The following EDA variants were observed in gnomAD, a reference collection of about 807,000 sequenced individuals.
EDA encodes the protein ectodysplasin-A.
In EDA, 2 loss-of-function variants were observed where a neutral mutation model predicts 23.6. That is an observed-to-expected ratio of 0.08 (90% CI 0.03 to 0.27). The LOEUF (loss-of-function observed/expected upper bound fraction) is 0.27. Among genes scored for constraint, EDA ranks in the 10% least tolerant of loss-of-function variants. The probability of loss-of-function intolerance (pLI) is 1.00; values close to 1 mark genes in which losing one functional copy is unlikely to be tolerated. For synonymous variants in EDA, 131 were observed against 132.0 expected (o/e 0.99, Z 0.05); for missense variants, 229 against 324.2 (o/e 0.71, Z 2.26).
intron 1 of EDA, among the ~76,000 whole-genome samples, chrX:69,793,540 A>C (rs2015461525): frequency 1.0e-5 from 1 of 97,526 alleles, no homozygotes; most frequent in Non-Finnish European, 2.0e-5. Flanking sequence ...TAATGGTTGA[A>C]TGGAGCTTTT....
At chrX:69,739,072 A>T (rs755670126) in intron 1 of EDA, among the ~76,000 whole-genome samples, 12 of 111,364 alleles carry the variant, frequency 1.1e-4, no homozygotes, top group Non-Finnish European at 2.1e-4. Context: ...TCTATTCATT[A>T]CTGAAAGTGG....
In EDA at chrX:70,035,460, T is replaced by C; in HGVS notation, c.1027T>C (p.Tyr343His). 8.3e-7 allele frequency: 1 copy of C among 1,210,858 alleles called. No homozygotes were observed. The highest frequency in any genetic ancestry group is 1.1e-6 in the Non-Finnish European group (1 of 895,323). ...TRSIETGKTN[Y>H]NTCYTAGVCL... ...CAGCATCGAGACGGGCAAGACCAACTACAACACTTGCTATACCGCAGGCGT... is the reference window on the plus strand; with the variant it reads ...CAGCATCGAGACGGGCAAGACCAACCACAACACTTGCTATACCGCAGGCGT... The change falls in exon 8 of 8, where the codon TAC becomes CAC. Residue 343 changes from tyrosine (Y) to histidine (H), a missense_variant. By Grantham distance (83) the Tyr-to-His change is moderately conservative. Around this residue, in one of 2 missense-constraint regions of EDA, gnomAD observed 175 missense variants for 281.8 expected, o/e 0.62. Coordinates refer to ENST00000374552, the MANE Select transcript of EDA (RefSeq NM_001399.5).
intron 1 of EDA, among the ~76,000 whole-genome samples, chrX:69,726,381 A>T (rs1415738964): frequency 8.9e-6 from 1 of 111,913 alleles, no homozygotes; most frequent in Non-Finnish European, 1.9e-5. Context: ...AGGAGTAAGG[A>T]TGAACTAGAA....
intron 1 of EDA, among the ~76,000 whole-genome samples, chrX:69,952,658 C>T (rs1364762445): frequency 3.6e-5 from 4 of 112,063 alleles, no homozygotes; most frequent in Non-Finnish European, 5.6e-5. Context: ...CATCAACAAC[C>T]TCTCTTGAGG....
rs764651837 is a variant in EDA, at chrX:69,852,216, G to A, written c.397-104811G>A. Among the ~76,000 whole-genome samples, 179 of 111,203 alleles carry A rather than the reference G, an allele frequency of 1.6e-3. 1 individual carries two copies. Among genetic ancestry groups the A allele is most frequent in the Non-Finnish European group, 2.4e-3 (127 of 52,985 alleles). On this transcript the variant is annotated intron_variant, in intron 1 of 7. Transcript: ENST00000374552. Reference sequence around the variant, plus strand: ...ACAATCTCAGCTCACCGCAACCTCCGCTTCCTGGGTTCAAGTGATTCTCCT... The same window carrying A: ...ACAATCTCAGCTCACCGCAACCTCCACTTCCTGGGTTCAAGTGATTCTCCT...
chrX:70,012,983 A>T (rs1348555024), intron 2 of EDA, among the ~76,000 whole-genome samples: 1 of 111,710 alleles, frequency 9.0e-6, no homozygotes, highest in East Asian at 2.8e-4. Context: ...GAGCAAGGTG[A>T]TTAAGGACTA....
At chrX:69,652,803 A>T (rs1267094570) in intron 1 of EDA, among the ~76,000 whole-genome samples, 1 of 112,129 alleles carries the variant, frequency 8.9e-6, no homozygotes, top group African/African-American at 3.2e-5. Flanking sequence ...TATTGCTATA[A>T]TCATAGAAGC....
At chrX:70,033,649 G>C (rs2020229187) in intron 7 of EDA, 121 bp downstream of exon 7, 10 of 849,008 alleles carry the variant, frequency 1.2e-5, no homozygotes, top group Non-Finnish European at 1.7e-5. Context: ...CTTTGGGTGA[G>C]GGGGTGGGGG....
intron 1 of EDA, among the ~76,000 whole-genome samples, chrX:69,836,681 G>A (rs920562354): frequency 1.8e-5 from 2 of 112,500 alleles, no homozygotes; most frequent in Non-Finnish European, 3.8e-5. Flanking sequence ...CCAACTCTTT[G>A]CACTTCCCAG....
intron 1 of EDA, among the ~76,000 whole-genome samples, chrX:69,802,395 A>G (rs2015712907): frequency 9.1e-6 from 1 of 110,119 alleles, no homozygotes; most frequent in Admixed American, 9.8e-5. Context: ...TATAAAAATT[A>G]TAAACAAATT....
intron 1 of EDA, among the ~76,000 whole-genome samples, chrX:69,834,611 G>A (rs1443323238): frequency 1.9e-5 from 2 of 106,260 alleles, no homozygotes; most frequent in Non-Finnish European, 3.9e-5. Context: ...GTGTGTCTCT[G>A]CACATGAGAT....
intron 1 of EDA, among the ~76,000 whole-genome samples, chrX:69,731,103 A>G (rs1008051831): frequency 8.9e-5 from 10 of 112,201 alleles, no homozygotes; most frequent in Non-Finnish European, 1.9e-5. Context: ...TGTATCTTTC[A>G]AAGAATTGGA....
chrX:69,891,707 A>G (rs2017933836), intron 1 of EDA, among the ~76,000 whole-genome samples: 1 of 108,504 alleles, frequency 9.2e-6, no homozygotes, highest in Middle Eastern at 4.6e-3. Context: ...GTGGGAGCTA[A>G]ATGATGAGAA....
chrX:69,959,082 C>A (rs774508143), intron 2 of EDA, among the ~76,000 whole-genome samples: 19 of 112,215 alleles, frequency 1.7e-4, no homozygotes, highest in African/African-American at 5.8e-4. Context: ...CAGCTACCAA[C>A]GTCTCTGATA....
intron 1 of EDA, among the ~76,000 whole-genome samples, chrX:69,820,698 T>C (rs1318321821): frequency 8.9e-6 from 1 of 112,021 alleles, no homozygotes; most frequent in African/African-American, 3.2e-5. Context: ...TATCATCTCA[T>C]GCCAGTCAGA....
intron 7 of EDA, 138 bp from the exon 8 acceptor site, chrX:70,035,220 C>T (rs1041423688): frequency 3.4e-5 from 24 of 702,802 alleles, no homozygotes; most frequent in Admixed American, 1.7e-4. Context: ...CCAGCTAGCA[C>T]GCCTTCACAT....
intron 1 of EDA, among the ~76,000 whole-genome samples, chrX:69,784,086 C>A (rs1448965540): frequency 9.8e-6 from 1 of 102,269 alleles, no homozygotes; most frequent in Non-Finnish European, 2.0e-5. Flanking sequence ...GCATAAATGT[C>A]TTCTTTTGAG....
chrX:70,008,757 G>A (rs1743648151), intron 2 of EDA, among the ~76,000 whole-genome samples: 1 of 110,967 alleles, frequency 9.0e-6, no homozygotes, highest in South Asian at 3.8e-4. Flanking sequence ...TGCTATATGG[G>A]TATATTGCAC....
chrX:69,924,631 G>A (rs1041770635), intron 1 of EDA, among the ~76,000 whole-genome samples: 2 of 111,623 alleles, frequency 1.8e-5, no homozygotes, highest in African/African-American at 3.3e-5. Context: ...GGCTATACAG[G>A]GTTGTCTTTG....
Sources: gnomAD v4.1 joint callset for allele counts (sites outside exome capture counted in the v4.1 genomes callset) on GRCh38, gnomAD v4.1.1 for gene constraint, gnomAD v4.1.1 regional missense constraint, MANE v1.5 for transcripts, NCBI Gene and HGNC (gene_info 2026-07-23, HGNC 2026-07-21) for gene names.